Variants in TNRC18 observed in about 807,000 individuals in gnomAD.
TNRC18 encodes trinucleotide repeat containing 18.
In TNRC18, 69 loss-of-function variants were observed where a neutral mutation model predicts 226.7. The observed-to-expected ratio is 0.30, with a 90% CI of 0.25 to 0.37. The LOEUF (loss-of-function observed/expected upper bound fraction) is 0.37. Among genes scored for constraint, TNRC18 ranks in the 10% least tolerant of loss-of-function variants. TNRC18 has a pLI of 1.00. For missense variants in TNRC18, 4,754 were observed against 4,256.6 expected (o/e 1.12, Z -3.25); for synonymous variants, 2,449 against 1,927.6 (o/e 1.27, Z -7.09).
At chr7:5,392,727 G>C (rs1457693385) in intron 3 of TNRC18, among the ~76,000 whole-genome samples, 1 of 151,978 alleles carries the variant, frequency 6.6e-6, no homozygotes, top group African/African-American at 2.4e-5. Flanking sequence ...GGCTTAATAG[G>C]CCGGGCACAG....
chr7:5,370,855 C>T lies in TNRC18; in HGVS notation c.3739G>A (p.Val1247Met). ...ACCAGTGTCTCGGGTGTCAGCTGCA[C>T]CCCCAGGTCCAGGGCGGCGGTGCAG... ...EPCTAALDLG[V>M]QLTPETLVEA... Residue 1247 changes from valine to methionine, a missense_variant, in exon 11 of 30, where the codon GTG becomes ATG. Coordinates refer to ENST00000430969, the MANE Select transcript of TNRC18 (RefSeq NM_001080495.3). 1 of 1,608,852 alleles carries T rather than the reference C, an allele frequency of 6.2e-7. No individual in the cohort carries two copies. The highest frequency in any genetic ancestry group is 1.7e-4 in the Middle Eastern group (1 of 6,060).
intron 2 of TNRC18, among the ~76,000 whole-genome samples, chr7:5,417,898 G>A (rs1004839787): frequency 6.6e-6 from 1 of 152,198 alleles, no homozygotes; most frequent in African/African-American, 2.4e-5. Flanking sequence ...GGATTCCAGA[G>A]ATGGATCTGA....
intron 18 of TNRC18, among the ~76,000 whole-genome samples, chr7:5,339,541 A>ATGTGTGTG (rs71536907): frequency 0.011 from 1,446 of 137,140 alleles, 21 homozygotes; most frequent in African/African-American, 0.033. Flanking sequence ...TGCCCAGCCA[A>ATGTGTGTG]TGTGTGTGTG....
Position 5,329,682 on chromosome 7 carries a change from C to CAAAAA in TNRC18, c.6147+2935_6147+2939dup, listed in dbSNP as rs10628315. Among the ~76,000 whole-genome samples the CAAAAA allele has an allele frequency of 4.1e-3, 188 of 45,742 alleles. 23 individuals are homozygous for CAAAAA. The highest frequency in any genetic ancestry group is 0.015 in the African/African-American group (156 of 10,694). 30.0% of individuals were successfully genotyped at this position (45,742 alleles called of 152,430 possible). A position where few individuals can be genotyped will look rare whatever the true frequency, so the allele number is the denominator to read the frequency against. On this transcript the variant is annotated intron_variant, in intron 19 of 29. Transcript: ENST00000430969. Reference sequence around the variant, plus strand: ...TGGGCGACACAGTGAGACTCCGTCTCAAAAAAAAAAAAAAAAAAAAAAAAA... The same window carrying CAAAAA: ...TGGGCGACACAGTGAGACTCCGTCTCAAAAAAAAAAAAAAAAAAAAAAAAAAAAAA...
At chr7:5,367,223 G>C (rs748936541) in intron 11 of TNRC18, among the ~76,000 whole-genome samples, 1 of 151,944 alleles carries the variant, frequency 6.6e-6, no homozygotes, top group African/African-American at 2.4e-5. Flanking sequence ...AAATTAGCTG[G>C]ATGTGGTAGC....
chr7:5,335,348 A>C (rs1020116144), intron 18 of TNRC18, among the ~76,000 whole-genome samples: 3 of 147,700 alleles, frequency 2.0e-5, no homozygotes, highest in East Asian at 2.0e-4. Flanking sequence ...AGTGGCTCAC[A>C]CCTGTAATCT....
At chr7:5,315,572 T>A (rs1787770225) in intron 25 of TNRC18, among the ~76,000 whole-genome samples, 1 of 152,054 alleles carries the variant, frequency 6.6e-6, no homozygotes, top group African/African-American at 2.4e-5. Context: ...TACAGGCGCA[T>A]GTCACCACGC....
intron 18 of TNRC18, among the ~76,000 whole-genome samples, chr7:5,336,910 T>C (rs902038673): frequency 6.6e-6 from 1 of 152,100 alleles, no homozygotes; most frequent in Non-Finnish European, 1.5e-5. Context: ...TAACAAATGG[T>C]AAAATGTATG....
At chr7:5,390,035 C>T (rs1268331761) in intron 4 of TNRC18, 1 of 222,860 alleles carries the variant, frequency 4.5e-6, no homozygotes, top group Non-Finnish European at 8.6e-6. Flanking sequence ...TGGGTGGGCC[C>T]AAGGAGCCTG....
At chr7:5,338,917 T>G (rs1391390202) in intron 18 of TNRC18, among the ~76,000 whole-genome samples, 2 of 114,460 alleles carry the variant, frequency 1.7e-5, no homozygotes, top group African/African-American at 3.7e-5. Context: ...CGAAACTCCA[T>G]CTCAAAAGGA....
rs1794104562 is a variant in TNRC18 at position 5,371,071 on chromosome 7, G to C, written c.3523C>G (p.Leu1175Val). The C allele has an allele frequency of 6.2e-7, 1 of 1,611,560 alleles. No homozygotes were observed. Residue 1175 changes from leucine to valine, a missense_variant, in exon 11 of 30, where the codon CTG (leucine) becomes GTG (valine). Physicochemically the swap from Leu to Val is conservative, Grantham distance 32 (BLOSUM62 1). Transcript: ENST00000430969. ...GCGGGCAGTGGCAGCGGCGACTCCA[G>C]AGGCGGCAGCTCTGTGGGGCCCTCG... ...MDEGPTELPP[L>V]ESPLPLPAAE... is the part of the protein sequence containing the mutation.
intron 5 of TNRC18, among the ~76,000 whole-genome samples, chr7:5,387,437 G>A (rs1412467395): frequency 6.6e-6 from 1 of 152,234 alleles, no homozygotes; most frequent in African/African-American, 2.4e-5. Context: ...CACAAAGACT[G>A]AAAGCAACGT....
At chr7:5,335,426 G>A (rs562986448) in intron 18 of TNRC18, among the ~76,000 whole-genome samples, 3 of 151,434 alleles carry the variant, frequency 2.0e-5, no homozygotes, top group Non-Finnish European at 2.9e-5. Flanking sequence ...TGGCCAACAT[G>A]GTGAAACACC....
Position 5,377,474 on chromosome 7 carries a change from C to T in TNRC18, c.2358G>A (p.Ala786=), listed in dbSNP as rs777994318. ...GGTCGGCAGACCAGCGACCTGAGCC[C>T]GCCAGCGCCGGGCCCCCCGTCACCA... ...NLMVTGGPAL[A]GSGRWSADPA... is the part of the protein sequence containing the mutation. The change falls in exon 7 of 30, where the codon GCG becomes GCA. Residue 786 remains alanine (A), a synonymous_variant. Transcript: ENST00000430969. This position sits in a 1 kb window ranked among gnomAD's most constrained non-coding sequence, Gnocchi z 5.8. 3.8e-6 allele frequency: 6 copies of T among 1,580,732 alleles called. No individual in the cohort carries two copies. Among genetic ancestry groups the T allele is most frequent in the African/African-American group, 1.3e-5 (1 of 74,222 alleles).
intron 24 of TNRC18, among the ~76,000 whole-genome samples, chr7:5,317,737 A>G (rs76720647): frequency 0.13 from 19,203 of 149,546 alleles, 1,484 homozygotes; most frequent in Admixed American, 0.23. Context: ...AGATGGTGTC[A>G]TTCTGTCACC....
chr7:5,362,251 A>T (rs1270349417), intron 12 of TNRC18, among the ~76,000 whole-genome samples: 1 of 152,084 alleles, frequency 6.6e-6, no homozygotes, highest in Non-Finnish European at 1.5e-5. Flanking sequence ...ATTAGATGTC[A>T]TGCCTGAAGC....
At chr7:5,360,905 G>C (rs1025791912) in intron 14 of TNRC18, among the ~76,000 whole-genome samples, 3 of 152,124 alleles carry the variant, frequency 2.0e-5, no homozygotes, top group African/African-American at 7.2e-5. Context: ...TGCTTCCTCA[G>C]GGCAGGTCTT....
chr7:5,419,568 C>A (rs966816869), intron 2 of TNRC18, among the ~76,000 whole-genome samples: 2 of 152,234 alleles, frequency 1.3e-5, no homozygotes, highest in African/African-American at 2.4e-5. Context: ...CCTCGGGGGT[C>A]CCCCGCGCCC....
chr7:5,400,783 A>C (rs1427597879), intron 2 of TNRC18, among the ~76,000 whole-genome samples: 1 of 152,152 alleles, frequency 6.6e-6, no homozygotes, highest in Non-Finnish European at 1.5e-5. Context: ...TCACACCTTT[A>C]ATCTCAGCAC....
Sources: gnomAD v4.1 joint callset for allele counts (sites outside exome capture counted in the v4.1 genomes callset) on GRCh38, gnomAD v4.1.1 for gene constraint, Gnocchi (gnomAD v3.1) non-coding constraint, MANE v1.5 for transcripts, NCBI Gene and HGNC (gene_info 2026-07-23, HGNC 2026-07-21) for gene names.